SLC9C1: variants seen among roughly 807,000 people sequenced by gnomAD.
SLC9C1 encodes sodium/hydrogen exchanger 10.
SLC9C1 carries 97 observed loss-of-function variants against 140.9 expected under a neutral mutation model. The ratio of observed to expected loss-of-function variants is 0.69; its 90% CI spans 0.58 to 0.82. The LOEUF (loss-of-function observed/expected upper bound fraction) is 0.82. Among genes scored for constraint, SLC9C1 ranks in the 40% least tolerant of loss-of-function variants. SLC9C1 has a pLI of 0.00. For missense variants in SLC9C1, 1,340 were observed against 1,389.3 expected (o/e 0.96, Z 0.56); for synonymous variants, 440 against 442.6 (o/e 0.99, Z 0.07).
chr3:112,241,606 T>C (rs1028956287), intron 11 of SLC9C1, among the ~76,000 whole-genome samples: 19 of 152,156 alleles, frequency 1.2e-4, no homozygotes, highest in African/African-American at 4.1e-4. Context: ...AGTTCTAAAA[T>C]TTACATAGAA....
chr3:112,253,007 G>A (rs2079506688), intron 10 of SLC9C1, among the ~76,000 whole-genome samples: 1 of 152,066 alleles, frequency 6.6e-6, no homozygotes, highest in South Asian at 2.1e-4. Flanking sequence ...TCAGGTCCTG[G>A]AAAATCTGAG....
chr3:112,276,380 G>GAAA (rs34158065), intron 5 of SLC9C1, among the ~76,000 whole-genome samples: 1 of 146,970 alleles, frequency 6.8e-6, no homozygotes, highest in Non-Finnish European at 1.5e-5. Flanking sequence ...ATATATATAT[G>GAAA]AAAAAATATA....
intron 20 of SLC9C1, among the ~76,000 whole-genome samples, chr3:112,188,002 C>T (rs907014148): frequency 6.6e-6 from 1 of 151,736 alleles, no homozygotes; most frequent in African/African-American, 2.4e-5. Context: ...ATTTATGTTT[C>T]CATATATGTT....
intron 10 of SLC9C1, among the ~76,000 whole-genome samples, chr3:112,257,973 C>T (rs1437105761): frequency 1.3e-5 from 2 of 152,096 alleles, no homozygotes; most frequent in Non-Finnish European, 2.9e-5. Context: ...TAGAGTAATG[C>T]AAATCAAAAC....
intron 1 of SLC9C1, among the ~76,000 whole-genome samples, chr3:112,292,553 T>C (rs550467915): frequency 1.7e-4 from 26 of 152,304 alleles, no homozygotes; most frequent in Non-Finnish European, 1.5e-4. Flanking sequence ...TTTCTTTTTT[T>C]TGTTTTTTGA....
chr3:112,220,677 A>G lies in SLC9C1; in HGVS notation c.1670+451T>C, dbSNP rs9862315. 9.9e-3 allele frequency among the ~76,000 whole-genome samples: 1,510 copies of G among 152,322 alleles called. 25 individuals carry two copies. Among genetic ancestry groups the G allele is most frequent in the African/African-American group, 0.034 (1,408 of 41,564 alleles). On this transcript the variant is annotated intron_variant, in intron 14 of 28. Coordinates refer to ENST00000305815, the MANE Select transcript of SLC9C1 (RefSeq NM_183061.3). ...CTGCTTATTTTGGAGACCTATATCT[A>G]AAGAAATCACTACAAGATTACAAAT...
At chr3:112,199,287 T>C in intron 20 of SLC9C1, 34 bp downstream of exon 20, 1 of 1,493,696 alleles carries the variant, frequency 6.7e-7, no homozygotes, top group Non-Finnish European at 9.0e-7. Context: ...ATGTATCAAG[T>C]AAATATACTT....
At chr3:112,157,340 T>C (rs2075153472) in intron 26 of SLC9C1, among the ~76,000 whole-genome samples, 1 of 152,038 alleles carries the variant, frequency 6.6e-6, no homozygotes, top group Non-Finnish European at 1.5e-5. Flanking sequence ...AGTGCATGGA[T>C]TTATTTCTGG....
chr3:112,212,367 ATGAGT>A lies in SLC9C1; in HGVS notation c.1791-3999_1791-3995del, dbSNP rs1454141065. On this transcript the variant is annotated intron_variant, in intron 15 of 28. Transcript: ENST00000305815. ...CAAAGCCGGATGGAGAATGACTTTG[ATGAGT>A]TGAGAGAAGAAGGTTTCAGATGATC... Among the ~76,000 whole-genome samples, 4 of 152,216 alleles carry A rather than the reference ATGAGT, an allele frequency of 2.6e-5. No homozygotes were observed. The East Asian group carries it at 5.8e-4, about 22-fold the overall frequency.
At chr3:112,231,145 CCTTT>C (rs71134810) in intron 13 of SLC9C1, among the ~76,000 whole-genome samples, 45,039 of 98,066 alleles carry the variant, frequency 0.46, 7,273 homozygotes, top group East Asian at 0.59. Flanking sequence ...TCTTTTTCTC[CCTTT>C]CTTTCTTTCT....
chr3:112,274,657 C>G (rs1275107376), intron 6 of SLC9C1, among the ~76,000 whole-genome samples: 1 of 152,128 alleles, frequency 6.6e-6, no homozygotes, highest in East Asian at 1.9e-4. Flanking sequence ...TCAGCCCAGG[C>G]CTGTGAAATG....
At position 112,239,990 on chromosome 3, in the gene SLC9C1, T is replaced by C. The variant is rs1244614456; in HGVS notation, c.1296A>G (p.Thr432=). The change falls in exon 12 of 29, where the codon ACA becomes ACG. Residue 432 remains threonine (T), a synonymous_variant. Coordinates refer to ENST00000305815, the MANE Select transcript of SLC9C1 (RefSeq NM_183061.3). Reference sequence around the variant, plus strand: ...AACAAACCGATTTATATTTTGTTGATGTGGCATCACGAAGACCTTTGATAC... The same window carrying C: ...AACAAACCGATTTATATTTTGTTGACGTGGCATCACGAAGACCTTTGATAC... ...AVTILGLRDA[T]STKYKSVCCT... The C allele has an allele frequency of 1.2e-6, 2 of 1,611,046 alleles. No homozygotes were observed. The highest frequency in any genetic ancestry group is 1.7e-5 in the Admixed American group (1 of 59,528).
intron 9 of SLC9C1, 72 bp downstream of exon 9, chr3:112,264,128 G>A: frequency 1.4e-6 from 1 of 709,452 alleles, no homozygotes; most frequent in South Asian, 6.5e-5. Context: ...CGAAATCTTT[G>A]TGTTATTTAA....
At chr3:112,259,880 A>T (rs2079722856) in intron 10 of SLC9C1, among the ~76,000 whole-genome samples, 1 of 152,182 alleles carries the variant, frequency 6.6e-6, no homozygotes, top group Non-Finnish European at 1.5e-5. Flanking sequence ...CTTTTTACAG[A>T]TGTTCTCTAT....
chr3:112,161,877 C>A (rs1199876704), intron 26 of SLC9C1, among the ~76,000 whole-genome samples: 1 of 149,548 alleles, frequency 6.7e-6, no homozygotes, highest in Non-Finnish European at 1.5e-5. Flanking sequence ...GCCATTTTCA[C>A]GATATTGATT....
chr3:112,178,851 G>A (rs367821826), intron 23 of SLC9C1, among the ~76,000 whole-genome samples: 86 of 152,136 alleles, frequency 5.7e-4, no homozygotes, highest in Non-Finnish European at 9.6e-4. Flanking sequence ...CTCATTCTGC[G>A]TTCATTAGCT....
At chr3:112,261,056 T>C (rs569417293) in intron 10 of SLC9C1, among the ~76,000 whole-genome samples, 2 of 152,220 alleles carry the variant, frequency 1.3e-5, no homozygotes, top group South Asian at 4.1e-4. Flanking sequence ...CACTTCTCTC[T>C]GCAACATTTT....
At chr3:112,242,292 C>A (rs1189901650) in intron 11 of SLC9C1, among the ~76,000 whole-genome samples, 1 of 152,090 alleles carries the variant, frequency 6.6e-6, no homozygotes, top group Non-Finnish European at 1.5e-5. Context: ...AAGTGTCCAT[C>A]AACAGATGAA....
At chr3:112,173,193 A>AGTTGTTTTGTGTTTTTGTG (rs1310995960) in intron 23 of SLC9C1, among the ~76,000 whole-genome samples, 2 of 152,208 alleles carry the variant, frequency 1.3e-5, no homozygotes, top group African/African-American at 4.8e-5. Flanking sequence ...TTTTGTGGGA[A>AGTTGTTTTGTGTTTTTGTG]GGACACAAAT....
Sources: allele counts gnomAD v4.1 joint callset (sites outside exome capture counted in the v4.1 genomes callset), GRCh38; gene constraint gnomAD v4.1.1; transcripts MANE v1.5; gene names NCBI Gene and HGNC (gene_info 2026-07-23, HGNC 2026-07-21).